ZNF460: variants seen among roughly 807,000 people sequenced by gnomAD.
ZNF460 encodes zinc finger protein 272.
In ZNF460, 1 loss-of-function variant was observed where a neutral mutation model predicts 8.4. That is an observed-to-expected ratio of 0.12 (90% CI 0.04 to 0.56). The LOEUF (loss-of-function observed/expected upper bound fraction) is 0.56, where lower values mean the gene tolerates loss of function less well. Among genes scored for constraint, ZNF460 ranks in the 20% least tolerant of loss-of-function variants. The pLI, the probability that ZNF460 is intolerant of heterozygous loss-of-function variation, is 0.91. For missense variants in ZNF460, 477 were observed against 714.8 expected, an observed-to-expected ratio of 0.67 and a Z score of 3.79; for synonymous variants, 262 against 259.9, an observed-to-expected ratio of 1.01 and a Z score of -0.08.
chr19:57,285,467 C>G (rs1031108495), intron 2 of ZNF460, among the ~76,000 whole-genome samples: 4 of 152,146 alleles, frequency 2.6e-5, no homozygotes, highest in Non-Finnish European at 5.9e-5. Context: ...TGTTGTCTCT[C>G]TGTTGATACT....
At chr19:57,289,588 C>T (rs902933164) in intron 2 of ZNF460, among the ~76,000 whole-genome samples, 1 of 152,154 alleles carries the variant, frequency 6.6e-6, no homozygotes, top group African/African-American at 2.4e-5. Flanking sequence ...CTTGAGCAAG[C>T]TTATGATAGA....
At chr19:57,283,329 C>G (rs2087854384) in intron 1 of ZNF460, among the ~76,000 whole-genome samples, 1 of 151,406 alleles carries the variant, frequency 6.6e-6, no homozygotes, top group African/African-American at 2.4e-5. Context: ...ACTACCACAC[C>G]CAGCTAATTT....
At chr19:57,284,774 C>A in intron 2 of ZNF460, 97 bp downstream of exon 2, 30 of 1,252,092 alleles carry the variant, frequency 2.4e-5, no homozygotes, top group African/African-American at 3.2e-5. Flanking sequence ...TGGAATAGGT[C>A]TTGGGAGCCA....
At chr19:57,282,855 G>A (rs190499784) in intron 1 of ZNF460, among the ~76,000 whole-genome samples, 10 of 152,182 alleles carry the variant, frequency 6.6e-5, no homozygotes, top group African/African-American at 1.2e-4. Context: ...GACCGGCATG[G>A]CATCATGTGC....
intron 2 of ZNF460, among the ~76,000 whole-genome samples, chr19:57,289,955 A>AC (rs1351943817): frequency 6.6e-6 from 1 of 152,014 alleles, no homozygotes; most frequent in African/African-American, 2.4e-5. Context: ...AGTCTGGCCA[A>AC]CATGGTGAGA....
At chr19:57,288,895 C>A (rs1163568542) in intron 2 of ZNF460, among the ~76,000 whole-genome samples, 2 of 139,624 alleles carry the variant, frequency 1.4e-5, no homozygotes, top group Non-Finnish European at 3.1e-5. Flanking sequence ...ATTATTATTA[C>A]TTTTTTTTTT....
At chr19:57,285,610 A>AT (rs933165843) in intron 2 of ZNF460, among the ~76,000 whole-genome samples, 4 of 151,892 alleles carry the variant, frequency 2.6e-5, no homozygotes, top group African/African-American at 4.8e-5. Context: ...TGTTCGTTGC[A>AT]TTTTTTTTCT....
chr19:57,293,765 T>C lies in ZNF460; in HGVS notation c.*1535T>C, dbSNP rs999484250. The C allele has an allele frequency of 1.3e-5, 2 of 152,106 alleles. No homozygotes were observed. The highest frequency in any genetic ancestry group is 2.9e-5 in the Non-Finnish European group (2 of 68,046). The allele number at this position is 152,106 out of a possible 1,614,324, so 9.4% of individuals were successfully genotyped here. ...GTAATTTTGTATTTGTTAACCAATC[T>C]CTATCTGCCTCTCTGCTGTCCTTCC... On this transcript the variant is annotated 3_prime_UTR_variant, in exon 3 of 3. Coordinates refer to ENST00000360338, the MANE Select transcript of ZNF460 (RefSeq NM_006635.4).
In ZNF460 at chr19:57,291,533, C is replaced by A. The variant is rs2087918291; in HGVS notation, c.992C>A (p.Thr331Asn). The A allele has an allele frequency of 1.2e-6, 2 of 1,613,950 alleles. No homozygotes were observed. The highest frequency in any genetic ancestry group is 2.7e-5 in the African/African-American group (2 of 74,912). The change falls in exon 3 of 3, where the codon ACT (threonine) becomes AAT (asparagine). Residue 331 changes from threonine (T) to asparagine (N), a missense_variant. Coordinates refer to ENST00000360338, the MANE Select transcript of ZNF460 (RefSeq NM_006635.4). This position sits in a 1 kb window ranked among gnomAD's most constrained non-coding sequence, Gnocchi z 8.4. ...TALIQHFIIH[T>N]GERPFKCLEC... ...CTCATTCAACACTTCATTATCCATA[C>A]TGGGGAGAGGCCCTTTAAGTGCCTT...
chr19:57,290,452 A>G lies in ZNF460; in HGVS notation c.158-247A>G, dbSNP rs546567796. Among the ~76,000 whole-genome samples the G allele has an allele frequency of 2.9e-3, 442 of 151,932 alleles. 2 individuals are homozygous for G. Among genetic ancestry groups the G allele is most frequent in the African/African-American group, 0.01 (422 of 41,460 alleles). On this transcript the variant is annotated intron_variant, in intron 2 of 2. Coordinates refer to ENST00000360338, the MANE Select transcript of ZNF460 (RefSeq NM_006635.4). ...GCCACCATGCCTGGCTAATTTTTGT[A>G]TTTTTAGTAGATATGGGGTTTCACC... is the stretch of plus-strand genomic sequence containing the variant.
Position 57,291,401 on chromosome 19 carries a change from A to G in ZNF460, c.860A>G (p.Lys287Arg), listed in dbSNP as rs773779091. Residue 287 changes from lysine to arginine, a missense_variant, in exon 3 of 3, where the codon AAG becomes AGG. Lys to Arg is a conservative substitution (Grantham distance 26). Transcript: ENST00000360338. The surrounding 1 kb of genome is among the most constrained non-coding windows in gnomAD (Gnocchi z 8.4). The part of the protein sequence containing the change: ...EKPFVCNECG[K>R]AFTYRSNFVL... ...CCTTTTGTGTGCAATGAATGTGGAAAGGCCTTTACCTACCGCTCCAATTTT... is the reference window on the plus strand; with the variant it reads ...CCTTTTGTGTGCAATGAATGTGGAAGGGCCTTTACCTACCGCTCCAATTTT... The G allele has an allele frequency of 1.2e-5, 19 of 1,614,102 alleles. No homozygotes were observed. Among genetic ancestry groups the G allele is most frequent in the Non-Finnish European group, 1.4e-5 (17 of 1,179,948 alleles).
upstream of ZNF460, chr19:57,280,172 C>T (rs577098033): frequency 6.6e-6 from 1 of 152,538 alleles, no homozygotes; most frequent in East Asian, 1.9e-4. Flanking sequence ...ATCCCCGCCT[C>T]CTGACCTCGA....
intron 1 of ZNF460, among the ~76,000 whole-genome samples, chr19:57,281,715 G>A (rs1278723301): frequency 6.6e-6 from 1 of 151,810 alleles, no homozygotes; most frequent in Non-Finnish European, 1.5e-5. Flanking sequence ...ACAGGTGTGC[G>A]CCACCACGCC....
rs916122045 is a variant in ZNF460, at chr19:57,281,654, C to T, written c.30+818C>T. ...GACCTCGGCTCACTGCAACCTCCGC[C>T]TTTTGGGTTCAAGCGATTCTCCTGC... On this transcript the variant is annotated intron_variant, in intron 1 of 2. Transcript: ENST00000360338. Among the ~76,000 whole-genome samples the T allele has an allele frequency of 7.3e-5, 11 of 150,430 alleles. No individual in the cohort carries two copies. In the South Asian group the frequency reaches 1.5e-3, roughly 20 times the overall value.
chr19:57,289,412 A>G (rs2087900534), intron 2 of ZNF460, among the ~76,000 whole-genome samples: 1 of 151,746 alleles, frequency 6.6e-6, no homozygotes. Context: ...TTCGCTGAAG[A>G]CTCTGTGTCT....
At chr19:57,284,059 G>A (rs2122885032) in intron 1 of ZNF460, among the ~76,000 whole-genome samples, 1 of 152,138 alleles carries the variant, frequency 6.6e-6, no homozygotes, top group East Asian at 1.9e-4. Flanking sequence ...GTTGCTGGTG[G>A]TGATGTTTTT....
chr19:57,289,544 C>A lies in ZNF460; in HGVS notation c.158-1155C>A, dbSNP rs139843796. 7.0e-4 allele frequency among the ~76,000 whole-genome samples: 106 copies of A among 152,276 alleles called. 1 individual carries two copies. Among genetic ancestry groups the A allele is most frequent in the African/African-American group, 2.4e-3 (98 of 41,546 alleles). ...CCCCTTCTAGGCTACATTAAGTGCCCCTTCCCTGGCCTCTTGTAGCTCCTT... is the reference window on the plus strand; with the variant it reads ...CCCCTTCTAGGCTACATTAAGTGCCACTTCCCTGGCCTCTTGTAGCTCCTT... On this transcript the variant is annotated intron_variant, in intron 2 of 2. Coordinates refer to ENST00000360338, the MANE Select transcript of ZNF460 (RefSeq NM_006635.4).
chr19:57,281,285 A>G (rs2087837049), intron 1 of ZNF460, among the ~76,000 whole-genome samples: 1 of 151,848 alleles, frequency 6.6e-6, no homozygotes, highest in Non-Finnish European at 1.5e-5. Context: ...CCTCCCTTTC[A>G]CATCCTTTTG....
At position 57,290,700 on chromosome 19, in the gene ZNF460, T is replaced by G; in HGVS notation, c.159T>G (p.Gly53=). ...TTTTGTGTATTGTGTTCCCTTCAGG[T>G]GACAGCACAAAACCTGAGACCGTAG... is the stretch of plus-strand genomic sequence containing the variant. The part of the protein sequence containing the change: ...LETCGLLVAL[G]DSTKPETVEP... The change falls in exon 3 of 3, where the codon GGT becomes GGG. Residue 53 remains glycine, a splice_region_variant and synonymous_variant. Transcript: ENST00000360338. 1 of 1,610,288 alleles carries G rather than the reference T, an allele frequency of 6.2e-7. No homozygotes were observed. The highest frequency in any genetic ancestry group is 8.5e-7 in the Non-Finnish European group (1 of 1,177,874).
Sources: allele counts gnomAD v4.1 joint callset (sites outside exome capture counted in the v4.1 genomes callset), GRCh38; gene constraint gnomAD v4.1.1; non-coding constraint Gnocchi (gnomAD v3.1); transcripts MANE v1.5; gene names NCBI Gene and HGNC (gene_info 2026-07-23, HGNC 2026-07-21).